NTM: variants seen among roughly 807,000 people sequenced by gnomAD.
NTM encodes IgLON family member 2.
In NTM, 13 loss-of-function variants were observed where a neutral mutation model predicts 42.1. The ratio of observed to expected loss-of-function variants is 0.31; its 90% CI spans 0.20 to 0.49. The LOEUF (loss-of-function observed/expected upper bound fraction) is 0.49, where lower values mean the gene tolerates loss of function less well. Ranked by LOEUF, NTM falls within the 20% of genes least tolerant of loss-of-function variation. The pLI, the probability that NTM is intolerant of heterozygous loss-of-function variation, is 0.99. For missense variants in NTM, 373 were observed against 452.8 expected (o/e 0.82, Z 1.60); for synonymous variants, 187 against 179.2 (o/e 1.04, Z -0.35).
chr11:131,605,150 T>C (rs2060836609), intron 1 of NTM, among the ~76,000 whole-genome samples: 1 of 152,112 alleles, frequency 6.6e-6, no homozygotes, highest in Non-Finnish European at 1.5e-5. Context: ...AATCAATACA[T>C]TTAGAAGTTC....
chr11:131,842,895 C>T (rs2044446551), intron 1 of NTM, among the ~76,000 whole-genome samples: 1 of 152,010 alleles, frequency 6.6e-6, no homozygotes, highest in South Asian at 2.1e-4. Flanking sequence ...CCTGTAATCC[C>T]AGCTACTCAG....
At chr11:131,954,069 T>C (rs1410013607) in intron 2 of NTM, among the ~76,000 whole-genome samples, 8 of 152,136 alleles carry the variant, frequency 5.3e-5, no homozygotes, top group Non-Finnish European at 1.2e-4. Flanking sequence ...CAAACTCTAC[T>C]CCCCATGGCT....
chr11:131,516,727 A>G (rs1281618699), intron 1 of NTM, among the ~76,000 whole-genome samples: 1 of 152,208 alleles, frequency 6.6e-6, no homozygotes, highest in African/African-American at 2.4e-5. Context: ...TATTGTATTA[A>G]TTGGGCATTG....
intron 2 of NTM, among the ~76,000 whole-genome samples, chr11:132,046,859 T>A (rs1266455165): frequency 6.6e-6 from 1 of 152,220 alleles, no homozygotes; most frequent in Non-Finnish European, 1.5e-5. Context: ...CTACCATATA[T>A]CTATCATCTA....
chr11:132,068,079 C>T (rs1594291560), intron 2 of NTM, among the ~76,000 whole-genome samples: 1 of 152,188 alleles, frequency 6.6e-6, no homozygotes, highest in African/African-American at 2.4e-5. Context: ...CCATTCATAT[C>T]CAAGGGTCAC....
chr11:131,424,609 T>TTC lies in NTM; in HGVS notation c.82+53722_82+53723insCT, dbSNP rs2135857764. Among the ~76,000 whole-genome samples, 2 of 136,048 alleles carry TTC rather than the reference T, an allele frequency of 1.5e-5. 1 individual carries two copies. Among genetic ancestry groups the TTC allele is most frequent in the Non-Finnish European group, 3.1e-5 (2 of 63,914 alleles). 89.3% of individuals were successfully genotyped at this position (136,048 alleles called of 152,430 possible). A position where few individuals can be genotyped will look rare whatever the true frequency, so the allele number is the denominator to read the frequency against. ...TTATTTCTTTTCTTTTCTTTTTTTT[T>TTC]TTTTTTTTTGGCGCAATCTTGGCTC... On this transcript the variant is annotated intron_variant, in intron 1 of 8. Coordinates refer to ENST00000683400, the MANE Select transcript of NTM (RefSeq NM_001352005.2).
intron 2 of NTM, among the ~76,000 whole-genome samples, chr11:131,938,065 T>C (rs918891119): frequency 2.6e-5 from 4 of 152,214 alleles, no homozygotes; most frequent in Non-Finnish European, 1.5e-5. Flanking sequence ...TATCGGGTGC[T>C]TACTACGCAC....
At chr11:131,649,472 T>C (rs1185364736) in intron 1 of NTM, among the ~76,000 whole-genome samples, 1 of 152,184 alleles carries the variant, frequency 6.6e-6, no homozygotes, top group Non-Finnish European at 1.5e-5. Context: ...AATCCTAAAA[T>C]GCATGGGCTG....
chr11:132,269,103 T>C (rs1591640124), intron 4 of NTM, among the ~76,000 whole-genome samples: 1 of 152,132 alleles, frequency 6.6e-6, no homozygotes. Context: ...GTGGCTGCTG[T>C]GTGAGGCAAA....
intron 1 of NTM, among the ~76,000 whole-genome samples, chr11:131,847,726 A>AT (rs1303115774): frequency 9.9e-5 from 15 of 152,262 alleles, no homozygotes; most frequent in African/African-American, 3.6e-4. Flanking sequence ...ATACCAAAAA[A>AT]AAATAAAAAT....
intron 1 of NTM, among the ~76,000 whole-genome samples, chr11:131,462,255 G>T (rs1421355923): frequency 6.6e-6 from 1 of 152,184 alleles, no homozygotes. Flanking sequence ...GGGATGAATT[G>T]ACTATAAATG....
chr11:132,162,664 TGTGA>T (rs2074567067), intron 3 of NTM, among the ~76,000 whole-genome samples: 1 of 148,562 alleles, frequency 6.7e-6, no homozygotes, highest in African/African-American at 2.5e-5. Context: ...GTGGGGCTTG[TGTGA>T]GTGTGTGTGT....
At chr11:132,178,119 A>T (rs1296131895) in intron 3 of NTM, among the ~76,000 whole-genome samples, 1 of 152,214 alleles carries the variant, frequency 6.6e-6, no homozygotes, top group Non-Finnish European at 1.5e-5. Flanking sequence ...AAGCTGATAG[A>T]CGTCTTAGAT....
intron 2 of NTM, among the ~76,000 whole-genome samples, chr11:131,923,833 G>A (rs1333360961): frequency 6.6e-6 from 1 of 152,218 alleles, no homozygotes; most frequent in Non-Finnish European, 1.5e-5. Flanking sequence ...TGCAGGGTCT[G>A]GAGCCCGACC....
intron 1 of NTM, among the ~76,000 whole-genome samples, chr11:131,824,312 T>C (rs751724581): frequency 5.9e-5 from 9 of 152,206 alleles, no homozygotes; most frequent in Non-Finnish European, 1.2e-4. Context: ...CTACAACTTC[T>C]ACATAATTTG....
chr11:132,184,162 C>T (rs1369320638), intron 3 of NTM, among the ~76,000 whole-genome samples: 1 of 152,190 alleles, frequency 6.6e-6, no homozygotes, highest in Non-Finnish European at 1.5e-5. Flanking sequence ...GTAGATCTTC[C>T]TGTTCCATAT....
intron 2 of NTM, among the ~76,000 whole-genome samples, chr11:132,134,755 A>ATCTATATATC (rs59029342): frequency 2.5e-5 from 2 of 80,226 alleles, no homozygotes; most frequent in Admixed American, 1.6e-4. Flanking sequence ...ATATATATAT[A>ATCTATATATC]TATATCTCAC....
chr11:131,523,136 T>G (rs1200722262), intron 1 of NTM, among the ~76,000 whole-genome samples: 4 of 152,230 alleles, frequency 2.6e-5, no homozygotes, highest in Non-Finnish European at 5.9e-5. Context: ...TTGGCCATTC[T>G]TTCTGCTAAG....
intron 1 of NTM, among the ~76,000 whole-genome samples, chr11:131,756,810 CAT>C (rs2083404761): frequency 6.6e-6 from 1 of 152,200 alleles, no homozygotes; most frequent in Non-Finnish European, 1.5e-5. Flanking sequence ...GACCATAACA[CAT>C]AGTCCTAGGG....
Sources: allele counts gnomAD v4.1 joint callset (sites outside exome capture counted in the v4.1 genomes callset), GRCh38; gene constraint gnomAD v4.1.1; transcripts MANE v1.5; gene names NCBI Gene and HGNC (gene_info 2026-07-23, HGNC 2026-07-21).